C3orf20: variants seen among roughly 807,000 people sequenced by gnomAD.
C3orf20 encodes family with sequence similarity 149 member C, also known as uncharacterized protein C3orf20.
Under a neutral mutation model 88.3 loss-of-function variants are expected in C3orf20, and 76 were observed. The ratio of observed to expected loss-of-function variants is 0.86; its 90% CI spans 0.72 to 1.04. C3orf20 has a LOEUF of 1.04. Ranked by LOEUF, C3orf20 falls within the 50% of genes least tolerant of loss-of-function variation. The pLI is 0.00. For synonymous variants in C3orf20, 436 were observed against 437.4 expected (o/e 1.00, Z 0.04); for missense variants, 1,056 against 1,123.3 (o/e 0.94, Z 0.86).
chr3:14,735,255 CTGTT>C (rs1372922986), intron 12 of C3orf20, among the ~76,000 whole-genome samples: 11 of 151,858 alleles, frequency 7.2e-5, no homozygotes, highest in African/African-American at 2.7e-4. Context: ...TACCACCTTA[CTGTT>C]TGTTTGCTGT....
chr3:14,719,428 ATG>A (rs2124970479), intron 9 of C3orf20, among the ~76,000 whole-genome samples: 1 of 152,352 alleles, frequency 6.6e-6, no homozygotes, highest in African/African-American at 2.4e-5. Context: ...TAAGGGATAG[ATG>A]AAAGGAAGAG....
At chr3:14,707,788 C>T (rs1013956011) in intron 7 of C3orf20, among the ~76,000 whole-genome samples, 4 of 148,658 alleles carry the variant, frequency 2.7e-5, no homozygotes, top group African/African-American at 9.9e-5. Flanking sequence ...TCGCCAAATC[C>T]AAGGTTATAA....
intron 4 of C3orf20, among the ~76,000 whole-genome samples, chr3:14,688,662 ACTG>A (rs2032568243): frequency 6.6e-6 from 1 of 152,092 alleles, no homozygotes; most frequent in African/African-American, 2.4e-5. Flanking sequence ...AGAAAACCAG[ACTG>A]CTCCTTTATT....
At position 14,684,124 on chromosome 3, in the gene C3orf20, A is replaced by G. The variant is rs1040890138; in HGVS notation, c.485-118A>G. ...CACAGTAGCCCCCTCACCCCTGCAT[A>G]CCCTAGGAATAGCGCTCTACTCTAC... On this transcript the variant is annotated intron_variant, in intron 3 of 16. Transcript: ENST00000253697. 9 of 1,374,364 alleles carry G rather than the reference A, an allele frequency of 6.5e-6. No individual in the cohort carries two copies. In the African/African-American group the frequency reaches 1.0e-4, roughly 16 times the overall value. The allele number at this position is 1,374,364 out of a possible 1,614,324, so 85.1% of individuals were successfully genotyped here. A position where few individuals can be genotyped will look rare whatever the true frequency, so the allele number is the denominator to read the frequency against.
Position 14,757,672 on chromosome 3 carries a change from C to T in C3orf20, c.2242C>T (p.Gln748Ter), listed in dbSNP as rs775647620. 11 of 1,609,344 alleles carry T rather than the reference C, an allele frequency of 6.8e-6. 1 individual carries two copies. The South Asian group carries it at 1.2e-4, about 18-fold the overall frequency. ...QQRGRGSPCI[Q>*]CRYDSYRLLQ... ...GCGGGGCCGTGGCTCCCCCTGCATC[C>T]AGGTTGGTCTGGGCCCAGTGAGGAG... Residue 748 changes from glutamine to a stop codon, truncating the protein, a stop_gained and splice_region_variant, in exon 13 of 17, where the codon CAG becomes TAG. Coordinates refer to ENST00000253697, the MANE Select transcript of C3orf20 (RefSeq NM_032137.5). LOFTEE classifies it high-confidence loss of function.
Position 14,713,996 on chromosome 3 carries a change from A to G in C3orf20, c.1161-11A>G. The G allele has an allele frequency of 1.2e-6, 2 of 1,613,956 alleles. No individual in the cohort carries two copies. The highest frequency in any genetic ancestry group is 2.2e-5 in the East Asian group (1 of 44,886). On this transcript the variant is annotated splice_polypyrimidine_tract_variant and intron_variant, in intron 7 of 16. Transcript: ENST00000253697. ...AGTTTTCTGTTAGTTCTACCTGAAC[A>G]TTTCTGCCAGCTATCCCTCTGGAAA...
chr3:14,691,800 T>C (rs978703430), intron 5 of C3orf20, among the ~76,000 whole-genome samples: 2 of 152,208 alleles, frequency 1.3e-5, no homozygotes, highest in African/African-American at 2.4e-5. Context: ...AAATATATAA[T>C]TAAATTATAT....
At chr3:14,716,946 G>A (rs2033965084) in intron 9 of C3orf20, among the ~76,000 whole-genome samples, 1 of 152,162 alleles carries the variant, frequency 6.6e-6, no homozygotes, top group African/African-American at 2.4e-5. Flanking sequence ...GGGGTGTGTT[G>A]TGTTGTTTTC....
chr3:14,697,668 A>G (rs1468011857), intron 5 of C3orf20, among the ~76,000 whole-genome samples: 2 of 148,832 alleles, frequency 1.3e-5, no homozygotes, highest in African/African-American at 5.0e-5. Context: ...CATCATTTAC[A>G]TTAGGTATTT....
Position 14,768,394 on chromosome 3 carries a change from A to G in C3orf20, c.2496-3673A>G, listed in dbSNP as rs1458944144. Among the ~76,000 whole-genome samples the G allele has an allele frequency of 1.3e-5, 2 of 152,034 alleles. No individual in the cohort carries two copies. Among genetic ancestry groups the G allele is most frequent in the East Asian group, 1.9e-4 (1 of 5,174 alleles). On this transcript the variant is annotated intron_variant, in intron 15 of 16. Coordinates refer to ENST00000253697, the MANE Select transcript of C3orf20 (RefSeq NM_032137.5). This position sits in a 1 kb window ranked among gnomAD's most constrained non-coding sequence, Gnocchi z 4.1. ...CCCTTACCGGCTGCTCATGCCAGCA[A>G]CCCCACACCCCACTCAGCCCAAGGA...
chr3:14,705,386 A>G (rs751575827), intron 7 of C3orf20, among the ~76,000 whole-genome samples: 2 of 152,270 alleles, frequency 1.3e-5, no homozygotes, highest in Non-Finnish European at 2.9e-5. Context: ...AGGGCTGTGC[A>G]TACCTCAGAG....
intron 12 of C3orf20, among the ~76,000 whole-genome samples, chr3:14,751,625 C>G (rs1020501855): frequency 2.0e-5 from 3 of 152,222 alleles, no homozygotes; most frequent in Non-Finnish European, 2.9e-5. Context: ...TAAGCAACTT[C>G]AGCAAAGTCT....
intron 1 of C3orf20, among the ~76,000 whole-genome samples, chr3:14,679,677 A>G (rs541140099): frequency 6.6e-6 from 1 of 152,304 alleles, no homozygotes; most frequent in African/African-American, 2.4e-5. Flanking sequence ...CATTCCCTGA[A>G]GGCAGTCTCC....
Position 14,739,853 on chromosome 3 carries a change from T to C in C3orf20, c.1940+11165T>C, listed in dbSNP as rs996985592. 2.0e-5 allele frequency among the ~76,000 whole-genome samples: 3 copies of C among 152,254 alleles called. No individual in the cohort carries two copies. In the East Asian group the frequency reaches 5.8e-4, roughly 29 times the overall value. ...AAATCTCATGAATAACTTTGCTAGA[T>C]TACGATTTTTCCTTTGTGGCTTCCT... On this transcript the variant is annotated intron_variant, in intron 12 of 16. Coordinates refer to ENST00000253697, the MANE Select transcript of C3orf20 (RefSeq NM_032137.5).
At chr3:14,744,013 T>C (rs1188505085) in intron 12 of C3orf20, among the ~76,000 whole-genome samples, 1 of 152,064 alleles carries the variant, frequency 6.6e-6, no homozygotes, top group Non-Finnish European at 1.5e-5. Flanking sequence ...AAATTAACAT[T>C]AGGCTCCTTG....
chr3:14,758,162 C>T (rs879323696), intron 13 of C3orf20, among the ~76,000 whole-genome samples: 1 of 152,194 alleles, frequency 6.6e-6, no homozygotes, highest in Non-Finnish European at 1.5e-5. Context: ...GCAACTCCAG[C>T]ACTGCCAGTG....
At chr3:14,676,014 A>G (rs2031747699) in intron 1 of C3orf20, among the ~76,000 whole-genome samples, 1 of 151,854 alleles carries the variant, frequency 6.6e-6, no homozygotes, top group Non-Finnish European at 1.5e-5. Context: ...TCTAATTGCC[A>G]CATTCTCCCT....
At chr3:14,685,078 C>T (rs191795547) in intron 4 of C3orf20, among the ~76,000 whole-genome samples, 7 of 151,966 alleles carry the variant, frequency 4.6e-5, no homozygotes, top group East Asian at 1.9e-4. Flanking sequence ...AAAATTAATC[C>T]GAATGTTTAT....
chr3:14,710,198 TCTGTAAGGTCCC>T (rs2033685414), intron 7 of C3orf20, among the ~76,000 whole-genome samples: 1 of 152,050 alleles, frequency 6.6e-6, no homozygotes, highest in South Asian at 2.1e-4. Context: ...TTTTTTTATT[TCTGTAAGGTCCC>T]ATTTTCATTT....
Sources: gnomAD v4.1 joint callset for allele counts (sites outside exome capture counted in the v4.1 genomes callset) on GRCh38, gnomAD v4.1.1 for gene constraint, Gnocchi (gnomAD v3.1) non-coding constraint, MANE v1.5 for transcripts, NCBI Gene and HGNC (gene_info 2026-07-23, HGNC 2026-07-21) for gene names.